MBD1: variants seen among roughly 807,000 people sequenced by gnomAD.
MBD1 encodes methyl-CpG-binding domain protein 1.
Under a neutral mutation model 82.6 loss-of-function variants are expected in MBD1, and 25 were observed. The ratio of observed to expected loss-of-function variants is 0.30; its 90% CI spans 0.22 to 0.42. MBD1 has a LOEUF of 0.42. MBD1 is among the 10% of genes least tolerant of loss of function. MBD1 has a pLI of 1.00. For missense variants in MBD1, 627 were observed against 819.6 expected, an observed-to-expected ratio of 0.76 and a Z score of 2.87; for synonymous variants, 301 against 303.7, an observed-to-expected ratio of 0.99 and a Z score of 0.09.
At chr18:50,278,147 G>A (rs558680405) in intron 2 of MBD1, among the ~76,000 whole-genome samples, 10 of 152,292 alleles carry the variant, frequency 6.6e-5, no homozygotes, top group East Asian at 1.9e-4. Context: ...ATACGGATAT[G>A]GACAAAGAGA....
At position 50,269,092 on chromosome 18, in the gene MBD1, A is replaced by G. The variant is rs2144763646; in HGVS notation, c.*759T>C. The G allele has an allele frequency of 1.0e-6, 1 of 990,052 alleles. No homozygotes were observed. Among genetic ancestry groups the G allele is most frequent in the Non-Finnish European group, 1.2e-6 (1 of 832,292 alleles). The allele number at this position is 990,052 out of a possible 1,614,324, so 61.3% of individuals were successfully genotyped here. On this transcript the variant is annotated 3_prime_UTR_variant, in exon 17 of 17. Coordinates refer to ENST00000269468, the MANE Select transcript of MBD1 (RefSeq NM_015846.4). Reference sequence around the variant, plus strand: ...TGGGCCGTATCTTTTGCATTTCTGTATCCTAGTATTAAGTACAGTGCCTAC... The same window carrying G: ...TGGGCCGTATCTTTTGCATTTCTGTGTCCTAGTATTAAGTACAGTGCCTAC...
chr18:50,274,456 C>T (rs138047792), intron 10 of MBD1, 103 bp from the exon 11 acceptor site: 46 of 1,284,286 alleles, frequency 3.6e-5, no homozygotes, highest in African/African-American at 2.9e-4. Flanking sequence ...CCCCATAAGA[C>T]GGAGCTACTT....
Position 50,277,142 on chromosome 18 carries a change from T to C in MBD1, c.173A>G (p.Asp58Gly). The change falls in exon 3 of 17, where the codon GAT becomes GGT. Residue 58 changes from aspartate (D) to glycine (G), a missense_variant. Asp to Gly is a moderately conservative substitution (Grantham distance 94). Coordinates refer to ENST00000269468, the MANE Select transcript of MBD1 (RefSeq NM_015846.4). ...ELTRYLGPAC[D>G]LTLFDFKQGI... ...TTGTTTGAAGTCGAAGAGGGTGAGA[T>C]CACACGCAGGGCCCAGGTATCGAGT... is the stretch of plus-strand genomic sequence containing the variant. The C allele has an allele frequency of 6.2e-7, 1 of 1,614,158 alleles. No homozygotes were observed. Among genetic ancestry groups the C allele is most frequent in the Non-Finnish European group, 8.5e-7 (1 of 1,180,022 alleles).
chr18:50,271,911 T>C (rs376077501), intron 15 of MBD1, among the ~76,000 whole-genome samples: 1 of 152,200 alleles, frequency 6.6e-6, no homozygotes, highest in Non-Finnish European at 1.5e-5. Flanking sequence ...GCCAATAGTT[T>C]ACATCGCCAG....
downstream of MBD1, among the ~76,000 whole-genome samples, chr18:50,268,187 C>T (rs906334328): frequency 6.6e-6 from 1 of 152,240 alleles, no homozygotes; most frequent in African/African-American, 2.4e-5. Flanking sequence ...ACCACACATC[C>T]TCCGGGAAGG....
intron 11 of MBD1, 52 bp from the exon 12 acceptor site, chr18:50,273,915 T>C: frequency 1.9e-6 from 3 of 1,597,638 alleles, no homozygotes; most frequent in Non-Finnish European, 2.6e-6. Context: ...ACCAATCACA[T>C]CCACCCTGCC....
chr18:50,273,161 A>G, intron 13 of MBD1, 173 bp downstream of exon 13: 1 of 1,230,184 alleles, frequency 8.1e-7, no homozygotes, highest in African/African-American at 1.5e-5. Flanking sequence ...AAGCGGGCAA[A>G]GCTAGTTGCC....
chr18:50,279,842 C>T, intron 2 of MBD1, 41 bp downstream of exon 2: 1 of 1,613,250 alleles, frequency 6.2e-7, no homozygotes, highest in Non-Finnish European at 8.5e-7. Flanking sequence ...CAGAATCAGG[C>T]TCTACCCCAC....
At chr18:50,275,395 G>C in intron 8 of MBD1, 150 bp from the exon 9 acceptor site, 2 of 1,608,152 alleles carry the variant, frequency 1.2e-6, no homozygotes, top group Non-Finnish European at 8.5e-7. Context: ...AGCCAGGGGA[G>C]TGCGTCGCTG....
downstream of MBD1, chr18:50,267,625 C>T: frequency 2.6e-6 from 4 of 1,536,062 alleles, no homozygotes; most frequent in Non-Finnish European, 3.5e-6. Context: ...CAGGTGGTAA[C>T]CACAGTTGCA....
chr18:50,274,344 T>C lies in MBD1; in HGVS notation c.988A>G (p.Thr330Ala). The change falls in exon 11 of 17, where the codon ACG becomes GCG. Residue 330 changes from threonine (T) to alanine (A), a missense_variant. Transcript: ENST00000269468. ...CVDEDELQPY[T>A]NRRQNRKCGA... ...CACTTGCGGTTCTGCCGGCGGTTCG[T>C]GTAGGGCTGCTGGGGTGGGGGGAAT... 6.2e-7 allele frequency: 1 copy of C among 1,612,730 alleles called. No homozygotes were observed. Among genetic ancestry groups the C allele is most frequent in the Non-Finnish European group, 8.5e-7 (1 of 1,179,646 alleles).
intron 8 of MBD1, 111 bp from the exon 9 acceptor site, chr18:50,275,356 C>G (rs369565929): frequency 1.2e-6 from 2 of 1,611,854 alleles, no homozygotes; most frequent in Non-Finnish European, 1.7e-6. Context: ...CAGAGGGTGG[C>G]GTGAGGCACT....
At chr18:50,269,905 A>T (rs1486749510) in intron 16 of MBD1, 87 bp from the exon 17 acceptor site, 1 of 1,167,130 alleles carries the variant, frequency 8.6e-7, no homozygotes, top group East Asian at 2.3e-5. Context: ...TCAGATCCCT[A>T]TAATAAATCC....
At chr18:50,279,258 A>G (rs1373112452) in intron 2 of MBD1, among the ~76,000 whole-genome samples, 1 of 152,188 alleles carries the variant, frequency 6.6e-6, no homozygotes, top group African/African-American at 2.4e-5. Context: ...CTGCTTTCTC[A>G]TCTCTTACAT....
Position 50,277,010 on chromosome 18 carries a change from G to A in MBD1, c.226-12C>T. ...GCCACGGGATGGGCCTGGAAAGTAA[G>A]GGAAGGAGGAATATGGGTCAGTGGT... On this transcript the variant is annotated splice_polypyrimidine_tract_variant and intron_variant, in intron 3 of 16. Coordinates refer to ENST00000269468, the MANE Select transcript of MBD1 (RefSeq NM_015846.4). 6.2e-7 allele frequency: 1 copy of A among 1,614,238 alleles called. No homozygotes were observed. Among genetic ancestry groups the A allele is most frequent in the South Asian group, 1.1e-5 (1 of 91,080 alleles).
chr18:50,275,933 C>T lies in MBD1; in HGVS notation c.565G>A (p.Gly189Arg). 1 of 1,614,016 alleles carries T rather than the reference C, an allele frequency of 6.2e-7. No individual in the cohort carries two copies. ...CAACQVTEDC[G>R]ACSTCLLQLP... ...TGCAGGAGGCAGGTGGAGCAGGCCC[C>T]ACAGTCTTCTGTTACCTGGCAGGCT... is the stretch of plus-strand genomic sequence containing the variant. The change falls in exon 7 of 17, where the codon GGG (glycine) becomes AGG (arginine). Residue 189 changes from glycine to arginine, a missense_variant. By Grantham distance (125) the Gly-to-Arg change is moderately radical (BLOSUM62 -2). Transcript: ENST00000269468.
chr18:50,275,871 C>G lies in MBD1; in HGVS notation c.627G>C (p.Lys209Asn). Residue 209 changes from lysine to asparagine, a missense_variant, in exon 7 of 17, where the codon AAG (lysine) becomes AAC (asparagine). Lys to Asn is a moderately conservative substitution (Grantham distance 94). Around this residue, in one of 6 missense-constraint regions of MBD1, gnomAD observed 228 missense variants for 318.1 expected, o/e 0.72. Transcript: ENST00000269468. ...PHDVASGLFC[K>N]CERRRCLRIV... ...TCCGGAGGCAGCGTCTCCGTTCACA[C>G]TTGCAGAACAGCCCCGATGCCACAT... The G allele has an allele frequency of 6.2e-7, 1 of 1,614,240 alleles. No homozygotes were observed. The highest frequency in any genetic ancestry group is 8.5e-7 in the Non-Finnish European group (1 of 1,180,038).
At chr18:50,272,391 T>C (rs765195528) in intron 15 of MBD1, 13 of 476,742 alleles carry the variant, frequency 2.7e-5, no homozygotes, top group South Asian at 4.3e-5. Context: ...CTTAGGAAAA[T>C]AGGGACCAGA....
chr18:50,277,270 T>C lies in MBD1; in HGVS notation c.111-66A>G, dbSNP rs1349283980. 6 of 1,296,452 alleles carry C rather than the reference T, an allele frequency of 4.6e-6. No homozygotes were observed. In the East Asian group the frequency reaches 9.5e-5, roughly 21 times the overall value. 80.3% of individuals were successfully genotyped at this position (1,296,452 alleles called of 1,614,324 possible). The stretch of plus-strand genomic sequence containing the variant: ...AATGCCATTTCACTCATACAACCTT[T>C]TGACAGGGCTGGCAGGATATAGGAG... On this transcript the variant is annotated intron_variant, in intron 2 of 16. Coordinates refer to ENST00000269468, the MANE Select transcript of MBD1 (RefSeq NM_015846.4).
Sources: allele counts gnomAD v4.1 joint callset (sites outside exome capture counted in the v4.1 genomes callset), GRCh38; gene constraint gnomAD v4.1.1; regional missense constraint gnomAD v4.1.1; transcripts MANE v1.5; gene names NCBI Gene and HGNC (gene_info 2026-07-23, HGNC 2026-07-21).